Variants in RNF169 observed in about 807,000 individuals in gnomAD.
The protein encoded by RNF169 is E3 ubiquitin-protein ligase RNF169.
A neutral mutation model predicts 53.9 loss-of-function variants in RNF169; 24 were observed. The ratio of observed to expected loss-of-function variants is 0.45; its 90% CI spans 0.32 to 0.63. RNF169 has a LOEUF of 0.63. RNF169 is among the 20% of genes least tolerant of loss of function. RNF169 has a pLI of 0.04. For missense variants in RNF169, 883 were observed against 906.2 expected, an observed-to-expected ratio of 0.97 and a Z score of 0.33; for synonymous variants, 396 against 363.5, an observed-to-expected ratio of 1.09 and a Z score of -1.02.
chr11:74,809,095 G>GT (rs202208150), intron 2 of RNF169, among the ~76,000 whole-genome samples: 4,756 of 150,538 alleles, frequency 0.032, 82 homozygotes, highest in South Asian at 0.08. Context: ...TTGTTGTGGG[G>GT]TTTTTTTTTC....
intron 5 of RNF169, 44 bp downstream of exon 5, chr11:74,834,819 C>T (rs755996465): frequency 8.3e-6 from 11 of 1,321,488 alleles, no homozygotes; most frequent in East Asian, 2.3e-5. Context: ...AGGCTTGCCC[C>T]ATCACCCCCT....
At chr11:74,781,263 A>C (rs2035413268) in intron 1 of RNF169, among the ~76,000 whole-genome samples, 1 of 152,196 alleles carries the variant, frequency 6.6e-6, no homozygotes, top group Non-Finnish European at 1.5e-5. Flanking sequence ...TTGGATTGTG[A>C]AGTGATCTGC....
At chr11:74,822,578 T>C (rs926107206) in intron 4 of RNF169, among the ~76,000 whole-genome samples, 3 of 152,210 alleles carry the variant, frequency 2.0e-5, no homozygotes, top group Non-Finnish European at 4.4e-5. Flanking sequence ...CAGTATGCTG[T>C]GGTGCAAAGA....
intron 1 of RNF169, among the ~76,000 whole-genome samples, chr11:74,757,266 C>A (rs896463438): frequency 8.2e-6 from 1 of 121,944 alleles, no homozygotes; most frequent in Non-Finnish European, 1.7e-5. Context: ...TTTGTTCTTG[C>A]GATAGTTTAC....
At chr11:74,790,688 C>T (rs757393525) in intron 2 of RNF169, among the ~76,000 whole-genome samples, 2 of 152,186 alleles carry the variant, frequency 1.3e-5, no homozygotes, top group Non-Finnish European at 2.9e-5. Flanking sequence ...CTTGCTGTGG[C>T]TGGGTGGGGA....
At chr11:74,769,150 C>T (rs1416724053) in intron 1 of RNF169, among the ~76,000 whole-genome samples, 1 of 152,162 alleles carries the variant, frequency 6.6e-6, no homozygotes, top group East Asian at 1.9e-4. Flanking sequence ...TGATATCCAA[C>T]ATATATGAAC....
At chr11:74,782,731 A>G (rs1487407008) in intron 1 of RNF169, among the ~76,000 whole-genome samples, 1 of 152,168 alleles carries the variant, frequency 6.6e-6, no homozygotes, top group Non-Finnish European at 1.5e-5. Context: ...TAACCATTTT[A>G]TAACATATTA....
Position 74,810,186 on chromosome 11 carries a change from G to T in RNF169, c.579G>T (p.Leu193=). The T allele has an allele frequency of 6.2e-7, 1 of 1,604,864 alleles. No individual in the cohort carries two copies. The highest frequency in any genetic ancestry group is 1.1e-5 in the South Asian group (1 of 89,410). ...LREEYESLRK[L]REEKLQEEKP... Reference sequence around the variant, plus strand: ...GTTTGCATAATTTATATTTTTAGCTGAGAGAAGAAAAGTTACAAGAGGAAA... The same window carrying T: ...GTTTGCATAATTTATATTTTTAGCTTAGAGAAGAAAAGTTACAAGAGGAAA... The change falls in exon 3 of 6, where the codon CTG becomes CTT. Residue 193 remains leucine (L), a splice_region_variant and synonymous_variant. Coordinates refer to ENST00000299563, the MANE Select transcript of RNF169 (RefSeq NM_001098638.2).
chr11:74,836,319 A>C lies in RNF169; in HGVS notation c.1716A>C (p.Thr572=), dbSNP rs768413314. The part of the protein sequence containing the change: ...TCISRAMKIT[T]VNSVLPQNSV... ...TAAGCAGAGCCATGAAAATCACCAC[A>C]GTTAATTCAGTGCTACCCCAAAACA... is the stretch of plus-strand genomic sequence containing the variant. Residue 572 remains threonine, a synonymous_variant, in exon 6 of 6, where the codon ACA becomes ACC. Coordinates refer to ENST00000299563, the MANE Select transcript of RNF169 (RefSeq NM_001098638.2). The C allele has an allele frequency of 1.3e-5, 21 of 1,614,086 alleles. No individual in the cohort carries two copies.
Position 74,835,964 on chromosome 11 carries a change from C to T in RNF169, c.1361C>T (p.Ser454Phe). The change falls in exon 6 of 6, where the codon TCT (serine) becomes TTT (phenylalanine). Residue 454 changes from serine to phenylalanine, a missense_variant. This residue lies in a region of RNF169 where 351 missense variants were observed against 337.3 expected (regional missense o/e 1.04). Coordinates refer to ENST00000299563, the MANE Select transcript of RNF169 (RefSeq NM_001098638.2). ...KKTLSKATLT[S>F]LAPEMGEELL... The stretch of plus-strand genomic sequence containing the variant: ...ACCCTTTCAAAAGCCACTCTTACCT[C>T]TCTGGCTCCTGAAATGGGGGAAGAG... 5 of 1,614,206 alleles carry T rather than the reference C, an allele frequency of 3.1e-6. No homozygotes were observed. The highest frequency in any genetic ancestry group is 2.2e-5 in the East Asian group (1 of 44,880).
chr11:74,783,781 C>T (rs917298988), intron 1 of RNF169, among the ~76,000 whole-genome samples: 2 of 151,944 alleles, frequency 1.3e-5, no homozygotes, highest in Non-Finnish European at 2.9e-5. Context: ...GACATGTGAC[C>T]CCAGGAAGGA....
chr11:74,785,614 T>G lies in RNF169; in HGVS notation c.503-4012T>G, dbSNP rs561509812. ...TTTACTTTCTATGTAATTTTTGAGC[T>G]TTTGGGCACGGTGTCATTTAATATA... On this transcript the variant is annotated intron_variant, in intron 1 of 5. Transcript: ENST00000299563. Among the ~76,000 whole-genome samples, 10 of 152,216 alleles carry G rather than the reference T, an allele frequency of 6.6e-5. No individual in the cohort carries two copies. The East Asian group carries it at 1.7e-3, about 26-fold the overall frequency.
Position 74,836,456 on chromosome 11 carries a change from T to C in RNF169, c.1853T>C (p.Leu618Ser), listed in dbSNP as rs375973422. 1.9e-6 allele frequency: 3 copies of C among 1,614,210 alleles called. No homozygotes were observed. The highest frequency in any genetic ancestry group is 2.5e-6 in the Non-Finnish European group (3 of 1,180,040). ...ESLSEEPLPSLRRGRKRHCKT... is the reference protein window; with the variant it reads ...ESLSEEPLPSSRRGRKRHCKT... ...CTAAGTGAAGAGCCACTTCCTTCTT[T>C]GCGTCGAGGCCGGAAAAGACACTGC... The change falls in exon 6 of 6, where the codon TTG (leucine) becomes TCG (serine). Residue 618 changes from leucine (L) to serine (S), a missense_variant. By Grantham distance (145) the Leu-to-Ser change is moderately radical. Around this residue, in one of 3 missense-constraint regions of RNF169, gnomAD observed 351 missense variants for 337.3 expected, o/e 1.04. Transcript: ENST00000299563.
intron 2 of RNF169, 129 bp downstream of exon 2, chr11:74,789,828 T>C (rs1004894079): frequency 1.9e-6 from 1 of 517,522 alleles, no homozygotes; most frequent in Non-Finnish European, 3.4e-6. Context: ...CACTGCCTTA[T>C]ACCAGCCTAG....
chr11:74,789,564 G>C, intron 1 of RNF169, 62 bp from the exon 2 acceptor site: 1 of 963,094 alleles, frequency 1.0e-6, no homozygotes, highest in Non-Finnish European at 1.7e-6. Context: ...CATGTATTGT[G>C]CCTCCTGTGG....
intron 4 of RNF169, among the ~76,000 whole-genome samples, chr11:74,826,974 T>C (rs2036107532): frequency 6.6e-6 from 1 of 152,174 alleles, no homozygotes; most frequent in South Asian, 2.1e-4. Flanking sequence ...GGATCTACCA[T>C]TCTGGGGTCT....
chr11:74,789,403 A>C (rs902934180), intron 1 of RNF169, among the ~76,000 whole-genome samples: 2 of 152,246 alleles, frequency 1.3e-5, no homozygotes, highest in Non-Finnish European at 2.9e-5. Context: ...AAATTAATAT[A>C]TATTTAGACC....
chr11:74,783,102 T>G (rs1367051562), intron 1 of RNF169, among the ~76,000 whole-genome samples: 21 of 151,996 alleles, frequency 1.4e-4, no homozygotes, highest in Non-Finnish European at 1.5e-5. Context: ...TGGATTTGAG[T>G]TTTTGGGATA....
intron 4 of RNF169, among the ~76,000 whole-genome samples, chr11:74,819,876 T>C (rs991233186): frequency 6.6e-6 from 1 of 152,198 alleles, no homozygotes; most frequent in African/African-American, 2.4e-5. Context: ...AAATTAACCG[T>C]AGCTACATTG....
Sources: gnomAD v4.1 joint callset for allele counts (sites outside exome capture counted in the v4.1 genomes callset) on GRCh38, gnomAD v4.1.1 for gene constraint, gnomAD v4.1.1 regional missense constraint, MANE v1.5 for transcripts, NCBI Gene and HGNC (gene_info 2026-07-23, HGNC 2026-07-21) for gene names.